Variants in LRRC4C observed in about 807,000 individuals in gnomAD.
LRRC4C encodes the protein leucine rich repeat containing 4C, also known as leucine-rich repeat-containing protein 4C.
LRRC4C carries 5 observed loss-of-function variants against 33.6 expected under a neutral mutation model. The observed-to-expected ratio is 0.15, with a 90% CI of 0.08 to 0.31. LRRC4C has a LOEUF of 0.31. Among genes scored for constraint, LRRC4C ranks in the 10% least tolerant of loss-of-function variants. The pLI, the probability that LRRC4C is intolerant of heterozygous loss-of-function variation, is 1.00. For synonymous variants in LRRC4C, 329 were observed against 302.0 expected (o/e 1.09, Z -0.93); for missense variants, 560 against 796.7 (o/e 0.70, Z 3.58).
chr11:40,576,933 C>T (rs1958217310), intron 3 of LRRC4C, among the ~76,000 whole-genome samples: 1 of 152,090 alleles, frequency 6.6e-6, no homozygotes, highest in Non-Finnish European at 1.5e-5. Context: ...AACACTGAGC[C>T]TTTGAGGCTT....
rs117084755 is a variant in LRRC4C, at chr11:41,269,662, C to T, written c.-496+189769G>A. ...GCCAATTGTGGGAGCTACTGACACACGCTGATTTTCCTGAGTAAATCAAGG... is the reference window on the plus strand; with the variant it reads ...GCCAATTGTGGGAGCTACTGACACATGCTGATTTTCCTGAGTAAATCAAGG... On this transcript the variant is annotated intron_variant, in intron 1 of 6. Coordinates refer to ENST00000528697, the MANE Select transcript of LRRC4C (RefSeq NM_001258419.2). Among the ~76,000 whole-genome samples the T allele has an allele frequency of 2.4e-3, 369 of 152,184 alleles. 4 individuals are homozygous for T. The highest frequency in any genetic ancestry group is 0.011 in the East Asian group (55 of 5,166).
intron 1 of LRRC4C, among the ~76,000 whole-genome samples, chr11:41,310,789 C>A (rs1950623276): frequency 6.6e-6 from 1 of 152,108 alleles, no homozygotes; most frequent in South Asian, 2.1e-4. Context: ...TTTGTATTTA[C>A]ATGGACCTGT....
rs141112344 is a variant in LRRC4C, at chr11:40,435,408, T to A, written c.-269-115687A>T. Among the ~76,000 whole-genome samples, 66 of 152,326 alleles carry A rather than the reference T, an allele frequency of 4.3e-4. No homozygotes were observed. In the East Asian group the frequency reaches 0.012, roughly 28 times the overall value. ...AACTTTTTGAATTGCTATTGATGGT[T>A]CTTAAGAGAGCTCTGAAGAAAAGAT... On this transcript the variant is annotated intron_variant, in intron 3 of 6. Transcript: ENST00000528697.
At chr11:40,195,699 T>C (rs1194724650) in intron 5 of LRRC4C, among the ~76,000 whole-genome samples, 1 of 151,442 alleles carries the variant, frequency 6.6e-6, no homozygotes, top group East Asian at 1.9e-4. Context: ...TAAAGATTTG[T>C]ATGGCAAATA....
chr11:40,996,672 G>C (rs1853996958), intron 1 of LRRC4C, among the ~76,000 whole-genome samples: 1 of 152,124 alleles, frequency 6.6e-6, no homozygotes, highest in Admixed American at 6.6e-5. Context: ...GAGTGTACAA[G>C]AAGCATGGTG....
At chr11:41,446,406 C>T (rs939245582) in intron 1 of LRRC4C, among the ~76,000 whole-genome samples, 2 of 152,178 alleles carry the variant, frequency 1.3e-5, no homozygotes, top group Non-Finnish European at 2.9e-5. Context: ...CTCACTCATG[C>T]ACCTGCATTC....
intron 5 of LRRC4C, among the ~76,000 whole-genome samples, chr11:40,179,931 G>A (rs1860845738): frequency 6.6e-6 from 1 of 152,138 alleles, no homozygotes. Flanking sequence ...CCAAACATAT[G>A]TGATAGATAG....
At chr11:41,290,669 A>T (rs1456596072) in intron 1 of LRRC4C, among the ~76,000 whole-genome samples, 1 of 152,158 alleles carries the variant, frequency 6.6e-6, no homozygotes, top group African/African-American at 2.4e-5. Context: ...CATGCAGTAT[A>T]TGTTTAATGA....
At chr11:40,440,935 G>C (rs889518792) in intron 3 of LRRC4C, among the ~76,000 whole-genome samples, 1 of 151,852 alleles carries the variant, frequency 6.6e-6, no homozygotes, top group Admixed American at 6.6e-5. Context: ...TTTGAACAAG[G>C]CTATTTTTTT....
At chr11:41,398,368 A>G (rs1397545520) in intron 1 of LRRC4C, among the ~76,000 whole-genome samples, 1 of 151,706 alleles carries the variant, frequency 6.6e-6, no homozygotes, top group Non-Finnish European at 1.5e-5. Flanking sequence ...CCCATTACGT[A>G]CTCTCTCTAG....
intron 4 of LRRC4C, among the ~76,000 whole-genome samples, chr11:40,301,373 G>A (rs1206967585): frequency 1.3e-5 from 2 of 152,250 alleles, no homozygotes; most frequent in East Asian, 3.9e-4. Flanking sequence ...TTTTTGTACT[G>A]TCTAAATTAG....
intron 3 of LRRC4C, among the ~76,000 whole-genome samples, chr11:40,391,550 C>G (rs975496205): frequency 3.3e-5 from 5 of 152,138 alleles, no homozygotes; most frequent in African/African-American, 1.2e-4. Context: ...TCTCCAGGAC[C>G]ATGGGGTGAA....
At chr11:40,737,930 A>T (rs1185001063) in intron 2 of LRRC4C, among the ~76,000 whole-genome samples, 1 of 152,166 alleles carries the variant, frequency 6.6e-6, no homozygotes, top group Non-Finnish European at 1.5e-5. Context: ...CTAAGCAAAA[A>T]CAACAAAGCT....
intron 1 of LRRC4C, among the ~76,000 whole-genome samples, chr11:41,379,475 ATTGCCT>A (rs1487095796): frequency 6.6e-6 from 1 of 152,136 alleles, no homozygotes; most frequent in African/African-American, 2.4e-5. Context: ...AAGTTGACTG[ATTGCCT>A]TTACTTTCTT....
At chr11:41,115,811 C>T (rs1275855339) in intron 1 of LRRC4C, among the ~76,000 whole-genome samples, 5 of 152,018 alleles carry the variant, frequency 3.3e-5, no homozygotes, top group Admixed American at 2.0e-4. Context: ...GAGCTATGTT[C>T]CTGAATCACA....
At chr11:41,301,445 A>G (rs1171633385) in intron 1 of LRRC4C, among the ~76,000 whole-genome samples, 9 of 152,160 alleles carry the variant, frequency 5.9e-5, no homozygotes, top group African/African-American at 2.2e-4. Flanking sequence ...ATGAAAACCA[A>G]AAGAGTTTTG....
At chr11:40,825,322 C>T (rs570210724) in intron 2 of LRRC4C, among the ~76,000 whole-genome samples, 3 of 151,842 alleles carry the variant, frequency 2.0e-5, no homozygotes, top group African/African-American at 7.3e-5. Context: ...AAGGTCCAGA[C>T]GATTCCATCA....
chr11:41,197,708 G>A (rs1946239133), intron 1 of LRRC4C, among the ~76,000 whole-genome samples: 1 of 151,764 alleles, frequency 6.6e-6, no homozygotes, highest in East Asian at 1.9e-4. Flanking sequence ...TATTCTCCTG[G>A]CCTCTTCCAA....
chr11:40,656,621 C>T (rs1943131003), intron 2 of LRRC4C, among the ~76,000 whole-genome samples: 1 of 152,144 alleles, frequency 6.6e-6, no homozygotes, highest in African/African-American at 2.4e-5. Context: ...AGGAAATTTA[C>T]AAACCTTCTG....
Sources: allele counts gnomAD v4.1 joint callset (sites outside exome capture counted in the v4.1 genomes callset), GRCh38; gene constraint gnomAD v4.1.1; transcripts MANE v1.5; gene names NCBI Gene and HGNC (gene_info 2026-07-23, HGNC 2026-07-21).